Variants in TMEM164 observed in about 807,000 individuals in gnomAD.
TMEM164 encodes transmembrane protein 164.
TMEM164 carries 4 observed loss-of-function variants against 18.8 expected under a neutral mutation model. The observed-to-expected ratio is 0.21, with a 90% confidence interval of 0.10 to 0.49. The LOEUF is 0.49. Among genes scored for constraint, TMEM164 ranks in the 20% least tolerant of loss-of-function variants. TMEM164 has a pLI of 0.98. For synonymous variants in TMEM164, 86 were observed against 101.7 expected, an observed-to-expected ratio of 0.85 and a Z score of 0.93; for missense variants, 108 against 239.9, an observed-to-expected ratio of 0.45 and a Z score of 3.63.
At chrX:110,079,822 G>C (rs2065725745) in intron 3 of TMEM164, among the ~76,000 whole-genome samples, 1 of 99,885 alleles carries the variant, frequency 1.0e-5, no homozygotes, top group Non-Finnish European at 2.0e-5. Flanking sequence ...ACACTCTGGG[G>C]ACTGCTGTGG....
chrX:110,131,913 T>C (rs2066617327), intron 4 of TMEM164, among the ~76,000 whole-genome samples: 1 of 112,103 alleles, frequency 8.9e-6, no homozygotes, highest in African/African-American at 3.2e-5. Context: ...TTTGTGAATT[T>C]GGAGCTCCCT....
intron 5 of TMEM164, among the ~76,000 whole-genome samples, chrX:110,151,023 C>T (rs1385828651): frequency 2.7e-5 from 3 of 112,272 alleles, no homozygotes; most frequent in African/African-American, 9.7e-5. Context: ...ACTCAAATAG[C>T]AAGTGACAGT....
At chrX:110,113,283 G>C (rs569678053) in intron 4 of TMEM164, among the ~76,000 whole-genome samples, 4 of 112,185 alleles carry the variant, frequency 3.6e-5, no homozygotes, top group African/African-American at 1.3e-4. Context: ...TAGAAAAGCT[G>C]GGAATGTCTC....
At chrX:110,102,454 A>G (rs1047567910) in intron 3 of TMEM164, among the ~76,000 whole-genome samples, 1 of 112,082 alleles carries the variant, frequency 8.9e-6, no homozygotes, top group Admixed American at 9.5e-5. Context: ...TTGCCTTTCC[A>G]GCCATCCAGA....
chrX:110,138,171 T>C (rs1456051491), intron 4 of TMEM164, among the ~76,000 whole-genome samples: 2 of 111,873 alleles, frequency 1.8e-5, no homozygotes, highest in East Asian at 5.6e-4. Context: ...ACTGGCTGGA[T>C]TGATGTTGAA....
At chrX:110,013,816 AT>A (rs1933146320) in intron 2 of TMEM164, among the ~76,000 whole-genome samples, 2 of 112,020 alleles carry the variant, frequency 1.8e-5, no homozygotes, top group South Asian at 7.4e-4. Flanking sequence ...ATTTAGCAGA[AT>A]TTCTGGCTTA....
chrX:110,078,496 G>A (rs1239140167), intron 3 of TMEM164, among the ~76,000 whole-genome samples: 1 of 112,017 alleles, frequency 8.9e-6, no homozygotes, highest in Non-Finnish European at 1.9e-5. Flanking sequence ...TGTGGAGCTA[G>A]TGTGATCCCT....
At chrX:110,017,060 CAG>C (rs1256397684) in intron 2 of TMEM164, among the ~76,000 whole-genome samples, 1 of 112,230 alleles carries the variant, frequency 8.9e-6, no homozygotes, top group African/African-American at 3.2e-5. Flanking sequence ...GTTAAAATGG[CAG>C]AGTGATACCA....
intron 3 of TMEM164, among the ~76,000 whole-genome samples, chrX:110,074,385 T>G (rs2065641651): frequency 8.9e-6 from 1 of 111,843 alleles, no homozygotes; most frequent in Non-Finnish European, 1.9e-5. Flanking sequence ...AGTTTGTGAA[T>G]ATTTTTTCCC....
intron 3 of TMEM164, among the ~76,000 whole-genome samples, chrX:110,098,944 C>T (rs1170346858): frequency 9.6e-6 from 1 of 104,074 alleles, no homozygotes; most frequent in African/African-American, 3.5e-5. Context: ...CCACCACACC[C>T]GGCTAATTTT....
At chrX:110,091,965 A>G (rs1054645618) in intron 3 of TMEM164, among the ~76,000 whole-genome samples, 1 of 112,239 alleles carries the variant, frequency 8.9e-6, no homozygotes, top group African/African-American at 3.2e-5. Context: ...TTAAATAGGT[A>G]ATCCTTTCCC....
At chrX:110,010,257 T>G (rs192109250) in intron 2 of TMEM164, among the ~76,000 whole-genome samples, 52 of 112,794 alleles carry the variant, frequency 4.6e-4, no homozygotes, top group African/African-American at 1.6e-3. Flanking sequence ...GCCAGAGACT[T>G]ACTTTTCCTT....
At chrX:110,069,570 CTTT>C (rs72102436) in intron 3 of TMEM164, among the ~76,000 whole-genome samples, 2 of 91,458 alleles carry the variant, frequency 2.2e-5, no homozygotes, top group African/African-American at 7.9e-5. Context: ...TTTATATTGA[CTTT>C]TTTTTTTTTT....
At chrX:110,070,779 C>T (rs938714907) in intron 3 of TMEM164, among the ~76,000 whole-genome samples, 1 of 111,135 alleles carries the variant, frequency 9.0e-6, no homozygotes, top group African/African-American at 3.3e-5. Context: ...TAGCATTCCC[C>T]CTCTCCCCCA....
intron 3 of TMEM164, among the ~76,000 whole-genome samples, chrX:110,081,227 C>T (rs996688968): frequency 9.0e-6 from 1 of 110,817 alleles, no homozygotes; most frequent in African/African-American, 3.3e-5. Context: ...TGGGGGATAG[C>T]GAATACATTA....
intron 4 of TMEM164, among the ~76,000 whole-genome samples, chrX:110,143,807 G>A (rs1001164668): frequency 6.0e-5 from 6 of 99,500 alleles, no homozygotes; most frequent in Admixed American, 1.0e-4. Context: ...ACTTTGGGGT[G>A]TGTGTGTGTG....
At chrX:110,045,096 C>T in intron 2 of TMEM164, among the ~76,000 whole-genome samples, 1 of 111,690 alleles carries the variant, frequency 9.0e-6, no homozygotes, top group Non-Finnish European at 1.9e-5. Flanking sequence ...CCTCACATGG[C>T]ACTTGGAGAA....
At chrX:110,180,619 G>A (rs1359777468), downstream of TMEM164, among the ~76,000 whole-genome samples, 1 of 110,961 alleles carries the variant, frequency 9.0e-6, no homozygotes, top group Non-Finnish European at 1.9e-5. Flanking sequence ...GCTAATGGAT[G>A]CCCTCCACAG....
chrX:110,036,306 C>T (rs1934796915), intron 2 of TMEM164, among the ~76,000 whole-genome samples: 1 of 111,811 alleles, frequency 8.9e-6, no homozygotes, highest in Admixed American at 9.5e-5. Flanking sequence ...TATTCATGTA[C>T]CTGTCTGTGG....
Sources: gnomAD v4.1 joint callset for allele counts (sites outside exome capture counted in the v4.1 genomes callset) on GRCh38, gnomAD v4.1.1 for gene constraint, MANE v1.5 for transcripts, NCBI Gene and HGNC (gene_info 2026-07-23, HGNC 2026-07-21) for gene names.